GPRC5A: variants seen among roughly 807,000 people sequenced by gnomAD.
GPRC5A encodes the protein G protein-coupled receptor class C group 5 member A, also known as retinoic acid-induced protein 3.
In GPRC5A, 19 loss-of-function variants were observed where a neutral mutation model predicts 22.5. The ratio of observed to expected loss-of-function variants is 0.85; its 90% CI spans 0.59 to 1.24. The LOEUF (loss-of-function observed/expected upper bound fraction) is 1.24. Ranked by LOEUF, GPRC5A falls within the 50% of genes most tolerant of loss-of-function variation. The probability of loss-of-function intolerance (pLI) is 0.00; values close to 1 mark genes in which losing one functional copy is unlikely to be tolerated. For missense variants in GPRC5A, 471 were observed against 451.1 expected, an observed-to-expected ratio of 1.04 and a Z score of -0.40; for synonymous variants, 192 against 184.5, an observed-to-expected ratio of 1.04 and a Z score of -0.33.
In GPRC5A at chr12:12,914,124, T is replaced by C. The variant is rs1235751911; in HGVS notation, c.*1585T>C. On this transcript the variant is annotated 3_prime_UTR_variant, in exon 4 of 4. Transcript: ENST00000014914. The stretch of plus-strand genomic sequence containing the variant: ...AGAGCAATAGGAAATCTCTCTTTCG[T>C]TATGGAAAAAAAATAATCCCTCTAC... The C allele has an allele frequency of 3.9e-5, 6 of 152,256 alleles. No homozygotes were observed. Among genetic ancestry groups the C allele is most frequent in the Admixed American group, 3.9e-4 (6 of 15,276 alleles). 9.4% of individuals were successfully genotyped at this position (152,256 alleles called of 1,614,324 possible).
chr12:12,909,071 C>G lies in GPRC5A; in HGVS notation c.822C>G (p.Pro274=), dbSNP rs751328924. The G allele has an allele frequency of 4.4e-6, 7 of 1,607,456 alleles. No individual in the cohort carries two copies. In the African/African-American group the frequency reaches 6.7e-5, roughly 15 times the overall value. The change falls in exon 2 of 4, where the codon CCC becomes CCG. Residue 274 remains proline, a synonymous_variant. Transcript: ENST00000014914. ...EFWLLTKQRN[P]MDYPVEDAFC... is the part of the protein sequence containing the mutation. ...GGCTGCTCACAAAGCAACGAAACCC[C>G]ATGGATTATCCTGTTGAGGATGCTT...
In GPRC5A at chr12:12,909,092, T is replaced by A. The variant is rs755157798; in HGVS notation, c.843T>A (p.Asp281Glu). The change falls in exon 2 of 4, where the codon GAT (aspartate) becomes GAA (glutamate). Residue 281 changes from aspartate (D) to glutamate (E), a missense_variant. Transcript: ENST00000014914. ...QRNPMDYPVEDAFCKPQLVKK... is the reference protein window; with the variant it reads ...QRNPMDYPVEEAFCKPQLVKK... ...ACCCCATGGATTATCCTGTTGAGGA[T>A]GCTTTCTGTAAACCTCAACTCGTGA... 1 of 1,603,916 alleles carries A rather than the reference T, an allele frequency of 6.2e-7. No homozygotes were observed. Among genetic ancestry groups the A allele is most frequent in the East Asian group, 2.2e-5 (1 of 44,878 alleles).
At position 12,904,267 on chromosome 12, in the gene GPRC5A, C is replaced by T. The variant is rs116603651; in HGVS notation, c.-7-3976C>T. On this transcript the variant is annotated intron_variant, in intron 1 of 3. Transcript: ENST00000014914. Reference sequence around the variant, plus strand: ...AAAGAGGGGACATTTGTAGGCAAGACGGATCAGACTTGGGTGCTTGGATTG... The same window carrying T: ...AAAGAGGGGACATTTGTAGGCAAGATGGATCAGACTTGGGTGCTTGGATTG... 4.1e-3 allele frequency among the ~76,000 whole-genome samples: 632 copies of T among 152,314 alleles called. 7 individuals are homozygous for T. The highest frequency in any genetic ancestry group is 0.014 in the African/African-American group (562 of 41,568).
chr12:12,908,786 C>A lies in GPRC5A; in HGVS notation c.537C>A (p.Leu179=), dbSNP rs1461304333. 6.2e-7 allele frequency: 1 copy of A among 1,614,102 alleles called. No individual in the cohort carries two copies. Among genetic ancestry groups the A allele is most frequent in the African/African-American group, 1.3e-5 (1 of 74,946 alleles). Reference sequence around the variant, plus strand: ...CTCGTCGCAATGAAGACTTTGTCCTCCTGCTCACCTACGTCCTCTTCTTGA... The same window carrying A: ...CTCGTCGCAATGAAGACTTTGTCCTACTGCTCACCTACGTCCTCTTCTTGA... ...SAPRRNEDFV[L]LLTYVLFLMA... is the part of the protein sequence containing the mutation. Residue 179 remains leucine (L), a synonymous_variant, in exon 2 of 4, where the codon CTC becomes CTA. Transcript: ENST00000014914.
At position 12,904,668 on chromosome 12, in the gene GPRC5A, G is replaced by A. The variant is rs368282044; in HGVS notation, c.-7-3575G>A. On this transcript the variant is annotated intron_variant, in intron 1 of 3. Coordinates refer to ENST00000014914, the MANE Select transcript of GPRC5A (RefSeq NM_003979.4). The stretch of plus-strand genomic sequence containing the variant: ...GGAGAGCCAAATTTTATTAAAATTC[G>A]GGAAGATCGATTTAAGCTATATCTG... 1.9e-4 allele frequency among the ~76,000 whole-genome samples: 29 copies of A among 152,066 alleles called. No individual in the cohort carries two copies. The East Asian group carries it at 3.5e-3, about 18-fold the overall frequency.
At chr12:12,894,435 G>T (rs1180119759) in intron 1 of GPRC5A, among the ~76,000 whole-genome samples, 3 of 152,096 alleles carry the variant, frequency 2.0e-5, no homozygotes, top group Admixed American at 6.5e-5. Flanking sequence ...TTGAGACAGG[G>T]TCTTGCTCTG....
Position 12,909,172 on chromosome 12 carries a change from G to A in GPRC5A, c.922+1G>A. On this transcript the variant is annotated splice_donor_variant, in intron 2 of 3. Coordinates refer to ENST00000014914, the MANE Select transcript of GPRC5A (RefSeq NM_003979.4). LOFTEE classifies it high-confidence loss of function. ...TACTCTCAAGAGGAAATCACTCAAG[G>A]TACAGATGCAGCCTGGCTAGGCAGA... 1 of 1,565,730 alleles carries A rather than the reference G, an allele frequency of 6.4e-7. No homozygotes were observed. The highest frequency in any genetic ancestry group is 8.6e-7 in the Non-Finnish European group (1 of 1,157,898).
At chr12:12,906,762 C>T (rs1359675015) in intron 1 of GPRC5A, among the ~76,000 whole-genome samples, 2 of 151,658 alleles carry the variant, frequency 1.3e-5, no homozygotes, top group African/African-American at 4.8e-5. Context: ...CTTTACACAT[C>T]TTAAGGAGGA....
chr12:12,909,195 A>G (rs1201115810), intron 2 of GPRC5A, 24 bp downstream of exon 2: 2 of 1,480,766 alleles, frequency 1.4e-6, no homozygotes, highest in Admixed American at 3.9e-5. Flanking sequence ...CTGGCTAGGC[A>G]GAGAATCCCT....
At chr12:12,904,348 G>A (rs1015802300) in intron 1 of GPRC5A, among the ~76,000 whole-genome samples, 1 of 152,170 alleles carries the variant, frequency 6.6e-6, no homozygotes, top group Non-Finnish European at 1.5e-5. Context: ...TTCTCATTCT[G>A]CACTGCCCTG....
intron 1 of GPRC5A, among the ~76,000 whole-genome samples, chr12:12,904,556 A>G (rs964753647): frequency 9.2e-5 from 14 of 152,116 alleles, no homozygotes; most frequent in Non-Finnish European, 1.9e-4. Flanking sequence ...TGGCTTTACC[A>G]TGGAGTGCTT....
intron 1 of GPRC5A, among the ~76,000 whole-genome samples, chr12:12,907,241 CA>C (rs1212593004): frequency 1.3e-3 from 188 of 144,292 alleles, no homozygotes; most frequent in African/African-American, 4.4e-3. Flanking sequence ...ACTAAAAATA[CA>C]AAAAAAAAAT....
intron 1 of GPRC5A, among the ~76,000 whole-genome samples, chr12:12,894,294 C>A (rs965226918): frequency 2.0e-5 from 3 of 152,174 alleles, no homozygotes; most frequent in Non-Finnish European, 4.4e-5. Context: ...AACATTTACA[C>A]AATTTTACCA....
At chr12:12,895,330 T>A (rs1387422675) in intron 1 of GPRC5A, among the ~76,000 whole-genome samples, 1 of 152,130 alleles carries the variant, frequency 6.6e-6, no homozygotes, top group Non-Finnish European at 1.5e-5. Context: ...CTTGTGTATC[T>A]TTTTGTTTTA....
intron 1 of GPRC5A, among the ~76,000 whole-genome samples, chr12:12,894,880 G>A (rs1160967288): frequency 1.5e-5 from 2 of 137,690 alleles, no homozygotes; most frequent in African/African-American, 5.3e-5. Flanking sequence ...CCGGGTTCAC[G>A]CCATTCTCCT....
chr12:12,900,319 A>T (rs570562083), intron 1 of GPRC5A, among the ~76,000 whole-genome samples: 11 of 152,322 alleles, frequency 7.2e-5, no homozygotes, highest in African/African-American at 2.6e-4. Flanking sequence ...AGTTTTGTAC[A>T]TGAAGCTCCC....
At chr12:12,895,411 T>C (rs1863811971) in intron 1 of GPRC5A, among the ~76,000 whole-genome samples, 2 of 152,146 alleles carry the variant, frequency 1.3e-5, no homozygotes, top group South Asian at 4.1e-4. Flanking sequence ...TTACATTTCT[T>C]GTAATAATAG....
intron 1 of GPRC5A, among the ~76,000 whole-genome samples, chr12:12,904,924 C>T (rs1430267703): frequency 1.4e-5 from 2 of 141,100 alleles, no homozygotes; most frequent in African/African-American, 5.4e-5. Flanking sequence ...CTCTCTCTGT[C>T]ACCCAGCCTG....
At chr12:12,901,612 A>AATGAC in intron 1 of GPRC5A, among the ~76,000 whole-genome samples, 1 of 152,148 alleles carries the variant, frequency 6.6e-6, no homozygotes, top group Non-Finnish European at 1.5e-5. Flanking sequence ...GACAACGTTT[A>AATGAC]ATGACTCAGT....
Sources: allele counts gnomAD v4.1 joint callset (sites outside exome capture counted in the v4.1 genomes callset), GRCh38; gene constraint gnomAD v4.1.1; transcripts MANE v1.5; gene names NCBI Gene and HGNC (gene_info 2026-07-23, HGNC 2026-07-21).